Variants in TLN2 observed in about 807,000 individuals in gnomAD.
TLN2 encodes the protein talin-2.
A neutral mutation model predicts 294.7 loss-of-function variants in TLN2; 118 were observed. The ratio of observed to expected loss-of-function variants is 0.40; its 90% CI spans 0.34 to 0.47. TLN2 has a LOEUF of 0.47. Ranked by LOEUF, TLN2 falls within the 20% of genes least tolerant of loss-of-function variation. The probability of loss-of-function intolerance (pLI) is 0.84; values close to 1 mark genes in which losing one functional copy is unlikely to be tolerated. For synonymous variants in TLN2, 1,431 were observed against 1,304.5 expected (o/e 1.10, Z -2.09); for missense variants, 3,083 against 3,282.2 (o/e 0.94, Z 1.48).
chr15:62,826,303 A>T (rs981692462), intron 54 of TLN2, among the ~76,000 whole-genome samples: 24 of 152,036 alleles, frequency 1.6e-4, no homozygotes, highest in African/African-American at 5.6e-4. Context: ...TGGGAAAACT[A>T]CTCCCAAGAT....
At chr15:62,666,262 G>A (rs899694383) in intron 9 of TLN2, among the ~76,000 whole-genome samples, 1 of 152,054 alleles carries the variant, frequency 6.6e-6, no homozygotes, top group African/African-American at 2.4e-5. Flanking sequence ...CCAAAATTTG[G>A]GTGTTGTCAG....
At chr15:62,602,077 A>G (rs942932883) in intron 2 of TLN2, among the ~76,000 whole-genome samples, 11 of 152,224 alleles carry the variant, frequency 7.2e-5, no homozygotes, top group Non-Finnish European at 1.6e-4. Context: ...TAGAAGGCAC[A>G]ATATAGAAAC....
At chr15:62,726,635 G>C (rs753719475) in intron 27 of TLN2, among the ~76,000 whole-genome samples, 34 of 152,186 alleles carry the variant, frequency 2.2e-4, no homozygotes, top group Non-Finnish European at 3.8e-4. Flanking sequence ...CCACATGCCA[G>C]GAAGGTGGTG....
At chr15:62,564,925 A>C (rs3927030) in intron 1 of TLN2, among the ~76,000 whole-genome samples, 4 of 80,648 alleles carry the variant, frequency 5.0e-5, no homozygotes, top group African/African-American at 9.5e-5. Context: ...AAAAAAAAAA[A>C]ATATATATAT....
intron 37 of TLN2, among the ~76,000 whole-genome samples, chr15:62,759,670 G>A (rs2062539337): frequency 6.6e-6 from 1 of 152,214 alleles, no homozygotes; most frequent in African/African-American, 2.4e-5. Context: ...GGAAGGGCGA[G>A]CAGCACCAAG....
At chr15:62,430,880 A>G (rs1042154534) in intron 1 of TLN2, among the ~76,000 whole-genome samples, 1 of 151,792 alleles carries the variant, frequency 6.6e-6, no homozygotes, top group African/African-American at 2.4e-5. Context: ...AATTTGGTCT[A>G]GAAGTCTCAA....
In TLN2 at chr15:62,516,735, T is replaced by C. The variant is rs151322352; in HGVS notation, c.-237-72952T>C. ...GAAGCTCTAGGGGGCAGGTGATCAA[T>C]CATACCACGACTCATTTGCCTGTGC... On this transcript the variant is annotated intron_variant, in intron 1 of 58. Coordinates refer to ENST00000636159, the MANE Select transcript of TLN2 (RefSeq NM_015059.3). Among the ~76,000 whole-genome samples the C allele has an allele frequency of 2.0e-3, 304 of 152,348 alleles. 1 individual carries two copies. The highest frequency in any genetic ancestry group is 0.01 in the Middle Eastern group (3 of 294).
In TLN2 at chr15:62,604,069, C is replaced by T. The variant is rs537568293; in HGVS notation, c.-161-14282C>T. Among the ~76,000 whole-genome samples, 51 of 152,236 alleles carry T rather than the reference C, an allele frequency of 3.4e-4. 1 individual carries two copies. The highest frequency in any genetic ancestry group is 3.4e-3 in the Middle Eastern group (1 of 294). On this transcript the variant is annotated intron_variant, in intron 2 of 58. Transcript: ENST00000636159. ...CTGAAATCTGAATGTCATATAATTT[C>T]TATGTATCATGAAATATAATTCATT...
intron 38 of TLN2, 147 bp downstream of exon 38, chr15:62,761,968 AG>A: frequency 3.6e-6 from 4 of 1,116,120 alleles, no homozygotes; most frequent in Non-Finnish European, 5.3e-6. Context: ...GTGCACAGTT[AG>A]TGAAACACAA....
intron 1 of TLN2, among the ~76,000 whole-genome samples, chr15:62,506,356 G>A (rs1441235024): frequency 6.6e-6 from 1 of 152,194 alleles, no homozygotes; most frequent in African/African-American, 2.4e-5. Context: ...AGAGTGAGGA[G>A]ACTCTGCTAT....
chr15:62,595,043 C>T (rs1349898246), intron 2 of TLN2, among the ~76,000 whole-genome samples: 5 of 152,262 alleles, frequency 3.3e-5, no homozygotes, highest in Non-Finnish European at 1.5e-5. Flanking sequence ...TGAAAAAATA[C>T]TCAACATCAC....
chr15:62,492,531 G>A (rs759466743), intron 1 of TLN2, among the ~76,000 whole-genome samples: 4 of 138,014 alleles, frequency 2.9e-5, no homozygotes, highest in South Asian at 2.3e-4. Context: ...GCGACAGAGC[G>A]AGACTCTGTC....
At chr15:62,831,833 T>C (rs1219362681) in intron 54 of TLN2, 1 of 152,246 alleles carries the variant, frequency 6.6e-6, no homozygotes, top group South Asian at 2.1e-4. Context: ...GCATTATGAA[T>C]GGAGAGCTGG....
intron 1 of TLN2, among the ~76,000 whole-genome samples, chr15:62,429,785 CTT>C (rs2034917788): frequency 6.6e-6 from 1 of 152,168 alleles, no homozygotes; most frequent in African/African-American, 2.4e-5. Flanking sequence ...GCAAACATAA[CTT>C]AATGCTGAAG....
chr15:62,778,024 C>T (rs1183235896), intron 43 of TLN2, among the ~76,000 whole-genome samples: 2 of 152,184 alleles, frequency 1.3e-5, no homozygotes, highest in South Asian at 2.1e-4. Context: ...ATTGTGAATA[C>T]ATTAATAAGG....
chr15:62,685,500 A>C (rs73435666), intron 11 of TLN2, among the ~76,000 whole-genome samples: 1 of 151,966 alleles, frequency 6.6e-6, no homozygotes, highest in South Asian at 2.1e-4. Context: ...AAATTTCTCA[A>C]AGCTAGCTGT....
intron 42 of TLN2, among the ~76,000 whole-genome samples, chr15:62,773,503 G>T (rs1330190030): frequency 6.6e-6 from 1 of 152,060 alleles, no homozygotes; most frequent in Non-Finnish European, 1.5e-5. Flanking sequence ...CCCAAAGTGC[G>T]CCTGGGACAC....
At chr15:62,515,134 A>AT (rs2040123064) in intron 1 of TLN2, among the ~76,000 whole-genome samples, 1 of 152,004 alleles carries the variant, frequency 6.6e-6, no homozygotes, top group Non-Finnish European at 1.5e-5. Flanking sequence ...TGTTTCTCTG[A>AT]TTTTTTTCAT....
intron 55 of TLN2, 122 bp from the exon 56 acceptor site, chr15:62,835,615 G>A (rs2069436993): frequency 3.9e-6 from 4 of 1,020,388 alleles, no homozygotes; most frequent in Non-Finnish European, 6.1e-6. Context: ...TCAGGCCTGT[G>A]CTGTTGGCAG....
Sources: gnomAD v4.1 joint callset for allele counts (sites outside exome capture counted in the v4.1 genomes callset) on GRCh38, gnomAD v4.1.1 for gene constraint, MANE v1.5 for transcripts, NCBI Gene and HGNC (gene_info 2026-07-23, HGNC 2026-07-21) for gene names.